ADAM12: variants seen among roughly 807,000 people sequenced by gnomAD.
ADAM12 encodes the protein disintegrin and metalloproteinase domain-containing protein 12.
A neutral mutation model predicts 106.4 loss-of-function variants in ADAM12; 70 were observed. The observed-to-expected ratio is 0.66, with a 90% CI of 0.54 to 0.80. ADAM12 has a LOEUF of 0.80. ADAM12 is among the 30% of genes least tolerant of loss of function. The pLI, the probability that ADAM12 is intolerant of heterozygous loss-of-function variation, is 0.00. For missense variants in ADAM12, 1,010 were observed against 1,171.9 expected, an observed-to-expected ratio of 0.86 and a Z score of 2.02; for synonymous variants, 420 against 433.5, an observed-to-expected ratio of 0.97 and a Z score of 0.39.
chr10:126,305,001 A>C (rs890625627), intron 2 of ADAM12, among the ~76,000 whole-genome samples: 2 of 152,108 alleles, frequency 1.3e-5, no homozygotes, highest in African/African-American at 4.8e-5. Context: ...TGAGGATAGA[A>C]ACAATAGAAC....
Position 126,066,571 on chromosome 10 carries a change from A to G in ADAM12, c.1413+146T>C, listed in dbSNP as rs1954872951. 1 of 701,820 alleles carries G rather than the reference A, an allele frequency of 1.4e-6. No homozygotes were observed. The highest frequency in any genetic ancestry group is 2.4e-5 in the Admixed American group (1 of 41,116). 43.5% of individuals were successfully genotyped at this position (701,820 alleles called of 1,614,324 possible). A position where few individuals can be genotyped will look rare whatever the true frequency, so the allele number is the denominator to read the frequency against. ...GAAGCTAAACAGTAAGAGGTGGGTA[A>G]CACCAACTGGCGTGAGAAGGAGGGA... On this transcript the variant is annotated intron_variant, in intron 13 of 22. Transcript: ENST00000448723. This position sits in a 1 kb window ranked among gnomAD's most constrained non-coding sequence, Gnocchi z 5.1.
intron 3 of ADAM12, among the ~76,000 whole-genome samples, chr10:126,200,587 C>G (rs1957680394): frequency 6.6e-6 from 1 of 152,162 alleles, no homozygotes; most frequent in South Asian, 2.1e-4. Context: ...GGTTCCCACA[C>G]TGTGGAGCTG....
chr10:126,199,331 G>A (rs1028356584), intron 3 of ADAM12, among the ~76,000 whole-genome samples: 7 of 152,170 alleles, frequency 4.6e-5, no homozygotes, highest in South Asian at 2.1e-4. Flanking sequence ...TGACCATCCC[G>A]CTGAAATGGC....
Position 126,020,506 on chromosome 10 carries a change from G to A in ADAM12, c.2530-681C>T, listed in dbSNP as rs139244396. Reference sequence around the variant, plus strand: ...TGGGGTTATTCCACGCTAGGTTTTAGCCAAAAATGATGCTTTGGGACTTGT... The same window carrying A: ...TGGGGTTATTCCACGCTAGGTTTTAACCAAAAATGATGCTTTGGGACTTGT... On this transcript the variant is annotated intron_variant, in intron 21 of 22. Coordinates refer to ENST00000448723, the MANE Select transcript of ADAM12 (RefSeq NM_001288973.2). Among the ~76,000 whole-genome samples, 41 of 152,226 alleles carry A rather than the reference G, an allele frequency of 2.7e-4. No homozygotes were observed. The East Asian group carries it at 5.6e-3, about 21-fold the overall frequency.
intron 1 of ADAM12, among the ~76,000 whole-genome samples, chr10:126,377,986 A>G (rs1856355169): frequency 6.6e-6 from 1 of 152,238 alleles, no homozygotes; most frequent in African/African-American, 2.4e-5. Flanking sequence ...TTTAAACTAA[A>G]CTTAAAAAGA....
At chr10:126,333,272 C>T (rs1167898098) in intron 1 of ADAM12, among the ~76,000 whole-genome samples, 1 of 152,210 alleles carries the variant, frequency 6.6e-6, no homozygotes, top group Non-Finnish European at 1.5e-5. Context: ...ATGTGTTAAA[C>T]TGGGCAGAGA....
intron 3 of ADAM12, among the ~76,000 whole-genome samples, chr10:126,173,388 C>T (rs570625750): frequency 6.6e-6 from 1 of 152,156 alleles, no homozygotes; most frequent in South Asian, 2.1e-4. Context: ...CTGGGCTTCT[C>T]AACCTCAGCT....
intron 1 of ADAM12, among the ~76,000 whole-genome samples, chr10:126,338,532 G>T (rs919045221): frequency 3.3e-5 from 5 of 152,088 alleles, no homozygotes; most frequent in African/African-American, 1.2e-4. Context: ...GATTACAGGC[G>T]TGAGCCACCG....
intron 3 of ADAM12, among the ~76,000 whole-genome samples, chr10:126,164,198 T>A (rs1590538945): frequency 6.6e-6 from 1 of 152,238 alleles, no homozygotes; most frequent in Non-Finnish European, 1.5e-5. Flanking sequence ...ATTATTTCTT[T>A]GAAGACCATA....
intron 3 of ADAM12, among the ~76,000 whole-genome samples, chr10:126,242,191 T>C (rs1958540469): frequency 6.6e-6 from 1 of 152,228 alleles, no homozygotes; most frequent in Non-Finnish European, 1.5e-5. Flanking sequence ...TTGTGATTGA[T>C]TTTCAGTTGG....
chr10:126,134,795 A>G (rs1380940982), intron 5 of ADAM12, among the ~76,000 whole-genome samples: 2 of 152,250 alleles, frequency 1.3e-5, no homozygotes, highest in Admixed American at 6.5e-5. Flanking sequence ...TCAAGCAGGT[A>G]TATCCTTCCA....
chr10:126,293,117 A>G (rs1323379522), intron 2 of ADAM12, among the ~76,000 whole-genome samples: 2 of 152,188 alleles, frequency 1.3e-5, no homozygotes, highest in African/African-American at 4.8e-5. Context: ...TAGCTCTATC[A>G]CTGGCATGGC....
intron 3 of ADAM12, among the ~76,000 whole-genome samples, chr10:126,216,656 AT>A (rs1199890549): frequency 1.3e-5 from 2 of 152,214 alleles, no homozygotes; most frequent in African/African-American, 4.8e-5. Flanking sequence ...CTTCCGACGC[AT>A]CCTTTATTAA....
At chr10:126,251,228 G>C (rs1445335551) in intron 3 of ADAM12, among the ~76,000 whole-genome samples, 3 of 152,188 alleles carry the variant, frequency 2.0e-5, no homozygotes, top group East Asian at 3.8e-4. Flanking sequence ...CTGAGACCTG[G>C]TTCGTTGTGC....
chr10:126,327,894 A>T (rs1854361997), intron 2 of ADAM12, among the ~76,000 whole-genome samples: 1 of 152,154 alleles, frequency 6.6e-6, no homozygotes, highest in East Asian at 1.9e-4. Flanking sequence ...CCTGTGGGAA[A>T]TCTTGGCCCC....
chr10:126,262,597 A>G (rs1343429830), intron 3 of ADAM12, among the ~76,000 whole-genome samples: 5 of 152,240 alleles, frequency 3.3e-5, no homozygotes, highest in African/African-American at 1.2e-4. Context: ...TACAGTGAAC[A>G]CATAAAAGAA....
chr10:126,235,631 A>G (rs1958399710), intron 3 of ADAM12, among the ~76,000 whole-genome samples: 1 of 152,130 alleles, frequency 6.6e-6, no homozygotes, highest in South Asian at 2.1e-4. Context: ...CCACACTCAG[A>G]AGATGCCACC....
chr10:126,072,300 C>A (rs1308622938), intron 11 of ADAM12, among the ~76,000 whole-genome samples: 1 of 152,140 alleles, frequency 6.6e-6, no homozygotes, highest in Non-Finnish European at 1.5e-5. Context: ...CCGGGTGTGG[C>A]AGGGTCAGCC....
rs1393537677 is a variant in ADAM12, at chr10:126,135,610, G to A, written c.390C>T (p.Val130=). 2 of 1,614,110 alleles carry A rather than the reference G, an allele frequency of 1.2e-6. No individual in the cohort carries two copies. Among genetic ancestry groups the A allele is most frequent in the African/African-American group, 2.7e-5 (2 of 74,950 alleles). The change falls in exon 5 of 23, where the codon GTC becomes GTT. Residue 130 remains valine, a synonymous_variant. Coordinates refer to ENST00000448723, the MANE Select transcript of ADAM12 (RefSeq NM_001288973.2). ...TGAGACCAGAACACGTGCTGAGACT[G>A]ACTGCTGAATCAGAATATCCCCGTA... is the stretch of plus-strand genomic sequence containing the variant. ...GHVRGYSDSA[V]SLSTCSGLRG... is the part of the protein sequence containing the mutation.
Sources: allele counts gnomAD v4.1 joint callset (sites outside exome capture counted in the v4.1 genomes callset), GRCh38; gene constraint gnomAD v4.1.1; non-coding constraint Gnocchi (gnomAD v3.1); transcripts MANE v1.5; gene names NCBI Gene and HGNC (gene_info 2026-07-23, HGNC 2026-07-21).